The following AFF2 variants were observed in gnomAD, a reference collection of about 807,000 sequenced individuals.
The protein encoded by AFF2 is AF4/FMR2 family member 2.
Under a neutral mutation model 76.9 loss-of-function variants are expected in AFF2, and 14 were observed. The ratio of observed to expected loss-of-function variants is 0.18; its 90% confidence interval spans 0.12 to 0.28. The LOEUF (loss-of-function observed/expected upper bound fraction) is 0.28. Ranked by LOEUF, AFF2 falls within the 10% of genes least tolerant of loss-of-function variation. The pLI, the probability that AFF2 is intolerant of heterozygous loss-of-function variation, is 1.00. For missense variants in AFF2, 868 were observed against 1,001.1 expected (o/e 0.87, Z 1.79); for synonymous variants, 398 against 366.7 (o/e 1.09, Z -0.98).
At position 148,605,819 on chromosome X, in the gene AFF2, T is replaced by C. The variant is rs1016174488; in HGVS notation, c.48-46180T>C. Among the ~76,000 whole-genome samples, 6 of 112,234 alleles carry C rather than the reference T, an allele frequency of 5.3e-5. No individual in the cohort carries two copies. The East Asian group carries it at 1.7e-3, about 32-fold the overall frequency. ...ATGAGTTCATACTGCTATGAATTAA[T>C]GAGTGAGTGAATGAATGAAATACCA... On this transcript the variant is annotated intron_variant, in intron 1 of 20. Transcript: ENST00000370460.
intron 4 of AFF2, among the ~76,000 whole-genome samples, chrX:148,833,649 G>C (rs9698179): frequency 1.8e-5 from 2 of 110,120 alleles, no homozygotes; most frequent in Non-Finnish European, 3.8e-5. Context: ...CAAATGCAAA[G>C]AATCCACCAA....
chrX:148,836,055 G>A (rs1284957379), intron 4 of AFF2, among the ~76,000 whole-genome samples: 5 of 111,848 alleles, frequency 4.5e-5, no homozygotes, highest in African/African-American at 1.6e-4. Flanking sequence ...AAAACTCAGA[G>A]TAATTAGAAT....
intron 3 of AFF2, among the ~76,000 whole-genome samples, chrX:148,713,454 C>T (rs782251496): frequency 1.8e-5 from 2 of 111,925 alleles, no homozygotes; most frequent in Admixed American, 9.5e-5. Context: ...CTAGCACCTT[C>T]AGTGTTGGGG....
intron 3 of AFF2, among the ~76,000 whole-genome samples, chrX:148,677,826 A>C (rs1170780920): frequency 9.0e-6 from 1 of 111,688 alleles, no homozygotes; most frequent in Non-Finnish European, 1.9e-5. Context: ...ATTTTGGTGG[A>C]GTTGGTGTAG....
At chrX:148,721,784 C>A (rs781907551) in intron 3 of AFF2, among the ~76,000 whole-genome samples, 8 of 112,171 alleles carry the variant, frequency 7.1e-5, no homozygotes, top group Non-Finnish European at 1.3e-4. Flanking sequence ...CCATTTGAAG[C>A]CCCTAGGGGA....
At chrX:148,826,489 G>GCTTATGCT in intron 4 of AFF2, among the ~76,000 whole-genome samples, 1 of 111,228 alleles carries the variant, frequency 9.0e-6, no homozygotes, top group South Asian at 3.8e-4. Context: ...GCTACTTGTA[G>GCTTATGCT]CTTATGCTGG....
At chrX:148,640,345 C>G (rs375971553) in intron 1 of AFF2, among the ~76,000 whole-genome samples, 16 of 112,007 alleles carry the variant, frequency 1.4e-4, no homozygotes, top group African/African-American at 5.2e-4. Flanking sequence ...GCACAAATTG[C>G]CAGTTATTAT....
At chrX:148,925,526 G>T (rs1557283685) in intron 9 of AFF2, among the ~76,000 whole-genome samples, 1 of 112,114 alleles carries the variant, frequency 8.9e-6, no homozygotes, top group African/African-American at 3.2e-5. Context: ...AATGCTGGCC[G>T]ATGGCTCTGG....
intron 1 of AFF2, among the ~76,000 whole-genome samples, chrX:148,502,096 T>C (rs1270259203): frequency 8.9e-6 from 1 of 112,123 alleles, no homozygotes; most frequent in Non-Finnish European, 1.9e-5. Context: ...CTACAAACAT[T>C]ATCACAGTTT....
At position 148,581,664 on chromosome X, in the gene AFF2, G is replaced by A. The variant is rs186561325; in HGVS notation, c.48-70335G>A. On this transcript the variant is annotated intron_variant, in intron 1 of 20. Transcript: ENST00000370460. ...CACACATATATACATATACGTATACGTGTACACACATATATACGTATACGT... is the reference window on the plus strand; with the variant it reads ...CACACATATATACATATACGTATACATGTACACACATATATACGTATACGT... Among the ~76,000 whole-genome samples, 12 of 111,164 alleles carry A rather than the reference G, an allele frequency of 1.1e-4. 2 individuals are homozygous for A. The East Asian group carries it at 2.3e-3, about 22-fold the overall frequency.
chrX:148,612,858 A>G (rs1275762801), intron 1 of AFF2, among the ~76,000 whole-genome samples: 1 of 111,480 alleles, frequency 9.0e-6, no homozygotes, highest in Non-Finnish European at 1.9e-5. Context: ...CCCTTTTTGA[A>G]ACTTGGCTCT....
intron 4 of AFF2, among the ~76,000 whole-genome samples, chrX:148,836,590 CT>C (rs199966733): frequency 2.4e-4 from 26 of 109,762 alleles, no homozygotes; most frequent in East Asian, 5.7e-4. Context: ...TCTATCATGA[CT>C]TTTTTTTTAA....
chrX:148,886,018 A>G (rs1569556583), intron 8 of AFF2, 33 bp downstream of exon 8: 1 of 1,076,447 alleles, frequency 9.3e-7, no homozygotes, highest in Non-Finnish European at 1.3e-6. Flanking sequence ...TTTTGGGATG[A>G]AGGGGGGAGC....
intron 1 of AFF2, among the ~76,000 whole-genome samples, chrX:148,615,614 T>C (rs181001424): frequency 8.9e-6 from 1 of 111,979 alleles, no homozygotes; most frequent in Non-Finnish European, 1.9e-5. Flanking sequence ...CTCTTGGCTT[T>C]GCCGCCTGTG....
intron 1 of AFF2, among the ~76,000 whole-genome samples, chrX:148,599,367 T>C (rs2053605052): frequency 8.9e-6 from 1 of 112,067 alleles, no homozygotes; most frequent in African/African-American, 3.2e-5. Flanking sequence ...TGAAGAGCTG[T>C]CTTTGAAAAC....
chrX:148,953,982 C>T (rs782487221), intron 10 of AFF2, among the ~76,000 whole-genome samples: 3 of 112,564 alleles, frequency 2.7e-5, no homozygotes, highest in South Asian at 3.7e-4. Flanking sequence ...TGCTGTGTGA[C>T]TCACTTAGCT....
chrX:148,766,166 T>C (rs1170688678), intron 3 of AFF2, among the ~76,000 whole-genome samples: 24 of 110,354 alleles, frequency 2.2e-4, no homozygotes, highest in Non-Finnish European at 3.8e-4. Context: ...CATAAACATA[T>C]GTGTGCATGT....
chrX:148,962,241 A>T (rs2072118205), intron 12 of AFF2, among the ~76,000 whole-genome samples: 1 of 112,691 alleles, frequency 8.9e-6, no homozygotes, highest in Non-Finnish European at 1.9e-5. Flanking sequence ...CGTAAGCATA[A>T]TATTTCTTAA....
At position 148,570,130 on chromosome X, in the gene AFF2, C is replaced by G. The variant is rs1263172996; in HGVS notation, c.47+68986C>G. On this transcript the variant is annotated intron_variant, in intron 1 of 20. Transcript: ENST00000370460. Reference sequence around the variant, plus strand: ...GTGTATGTTTATTTTGGTCTGTAATCTCCAAACAGTCATTGTCATCATCAT... The same window carrying G: ...GTGTATGTTTATTTTGGTCTGTAATGTCCAAACAGTCATTGTCATCATCAT... Among the ~76,000 whole-genome samples the G allele has an allele frequency of 2.7e-5, 3 of 112,166 alleles. No homozygotes were observed. In the Admixed American group the frequency reaches 2.8e-4, roughly 11 times the overall value.
Sources: gnomAD v4.1 joint callset for allele counts (sites outside exome capture counted in the v4.1 genomes callset) on GRCh38, gnomAD v4.1.1 for gene constraint, MANE v1.5 for transcripts, NCBI Gene and HGNC (gene_info 2026-07-23, HGNC 2026-07-21) for gene names.